SLCO1B3: variants seen among roughly 807,000 people sequenced by gnomAD.
SLCO1B3 encodes the protein solute carrier organic anion transporter family member 1B3, also known as liver-specific organic anion transporter 2.
A neutral mutation model predicts 71.8 loss-of-function variants in SLCO1B3; 72 were observed. That is an observed-to-expected ratio of 1.00 (90% CI 0.83 to 1.22). SLCO1B3 has a LOEUF of 1.22. SLCO1B3 is among the 50% of genes most tolerant of loss of function. SLCO1B3 has a pLI of 0.00. For missense variants in SLCO1B3, 911 were observed against 819.7 expected, an observed-to-expected ratio of 1.11 and a Z score of -1.36; for synonymous variants, 298 against 278.4, an observed-to-expected ratio of 1.07 and a Z score of -0.70.
At chr12:20,903,358 T>A (rs1866168226) in intron 15 of SLCO1B3, among the ~76,000 whole-genome samples, 1 of 152,226 alleles carries the variant, frequency 6.6e-6, no homozygotes, top group Non-Finnish European at 1.5e-5. Context: ...AAGTAAACTA[T>A]GTTACATTCA....
At chr12:20,816,685 C>T (rs187603307) in intron 3 of SLCO1B3, among the ~76,000 whole-genome samples, 46 of 152,280 alleles carry the variant, frequency 3.0e-4, no homozygotes, top group African/African-American at 9.1e-4. Flanking sequence ...CTTAGATATA[C>T]GAATTCGCTT....
At chr12:20,831,577 G>A (rs1044597003) in intron 3 of SLCO1B3, among the ~76,000 whole-genome samples, 4 of 152,058 alleles carry the variant, frequency 2.6e-5, no homozygotes, top group Non-Finnish European at 4.4e-5. Context: ...TTGCATTTCT[G>A]TGCCTACTTT....
intron 3 of SLCO1B3, among the ~76,000 whole-genome samples, chr12:20,849,711 TCACACACACACA>T (rs146186543): frequency 4.8e-5 from 6 of 126,236 alleles, no homozygotes; most frequent in African/African-American, 1.6e-4. Context: ...TAGTAGAAAA[TCACACACACACA>T]CACACACACA....
intron 3 of SLCO1B3, among the ~76,000 whole-genome samples, chr12:20,823,855 A>T (rs537786373): frequency 6.6e-6 from 1 of 152,182 alleles, no homozygotes; most frequent in African/African-American, 2.4e-5. Context: ...CCTGTAAAGG[A>T]TAAGATATGG....
At chr12:20,894,342 A>G (rs1311868586) in intron 13 of SLCO1B3, among the ~76,000 whole-genome samples, 1 of 152,168 alleles carries the variant, frequency 6.6e-6, no homozygotes, top group Non-Finnish European at 1.5e-5. Flanking sequence ...TGAGCAGGCA[A>G]GAAGTAGTGT....
chr12:20,908,070 T>C (rs995062969), intron 15 of SLCO1B3, among the ~76,000 whole-genome samples: 1 of 152,216 alleles, frequency 6.6e-6, no homozygotes, highest in African/African-American at 2.4e-5. Context: ...CTGTACTACT[T>C]CTTTTTCCTT....
At chr12:20,885,787 C>G (rs1865783073) in intron 13 of SLCO1B3, among the ~76,000 whole-genome samples, 1 of 151,658 alleles carries the variant, frequency 6.6e-6, no homozygotes, top group African/African-American at 2.4e-5. Context: ...CTAGCGTGAT[C>G]CAGATTATAT....
chr12:20,883,492 C>A lies in SLCO1B3; in HGVS notation c.1572C>A (p.Cys524Ter). ...NRNYSAHLGE[C>*]PRDNTCTRKF... ...ATTACTCAGCACACTTGGGTGAATGCCCAAGAGATAATACTTGTACAAGGA... is the reference window on the plus strand; with the variant it reads ...ATTACTCAGCACACTTGGGTGAATGACCAAGAGATAATACTTGTACAAGGA... Residue 524 changes from cysteine to a stop codon, truncating the protein, a stop_gained, in exon 13 of 16, where the codon TGC (cysteine) becomes TGA (stop). Transcript: ENST00000381545. LOFTEE classifies it high-confidence loss of function. The A allele has an allele frequency of 1.2e-6, 2 of 1,602,178 alleles. No individual in the cohort carries two copies. Among genetic ancestry groups the A allele is most frequent in the South Asian group, 1.1e-5 (1 of 89,560 alleles).
At chr12:20,859,495 C>CCCCG (rs1158588959) in intron 5 of SLCO1B3, among the ~76,000 whole-genome samples, 7 of 124,448 alleles carry the variant, frequency 5.6e-5, no homozygotes, top group Non-Finnish European at 1.1e-4. Context: ...TTTTTTCCCC[C>CCCCG]TCTACATTTG....
At chr12:20,915,947 G>GT in intron 15 of SLCO1B3, 57 bp from the exon 16 acceptor site, 1 of 1,370,072 alleles carries the variant, frequency 7.3e-7, no homozygotes, top group Non-Finnish European at 1.0e-6. Flanking sequence ...AGAAAAAAAT[G>GT]TAAGATATTT....
intron 15 of SLCO1B3, among the ~76,000 whole-genome samples, chr12:20,909,996 A>G (rs940187765): frequency 6.6e-6 from 1 of 152,198 alleles, no homozygotes; most frequent in South Asian, 2.1e-4. Context: ...CTCTTTGTCA[A>G]TAAGTTCTTT....
At chr12:20,884,301 A>G in intron 13 of SLCO1B3, among the ~76,000 whole-genome samples, 1 of 152,220 alleles carries the variant, frequency 6.6e-6, no homozygotes, top group East Asian at 1.9e-4. Flanking sequence ...CTTAATAAGG[A>G]AAAAGACTGC....
intron 3 of SLCO1B3, among the ~76,000 whole-genome samples, chr12:20,844,495 G>A (rs528648273): frequency 2.7e-5 from 4 of 150,382 alleles, no homozygotes; most frequent in South Asian, 2.1e-4. Flanking sequence ...TTGAACCTAG[G>A]AGGCAGTGGT....
intron 15 of SLCO1B3, among the ~76,000 whole-genome samples, chr12:20,909,673 T>C (rs1401808024): frequency 2.6e-5 from 4 of 152,156 alleles, no homozygotes; most frequent in Non-Finnish European, 5.9e-5. Flanking sequence ...CATCTTATCC[T>C]TTTGACAGTG....
At chr12:20,817,388 G>A (rs1025078134) in intron 3 of SLCO1B3, among the ~76,000 whole-genome samples, 4 of 152,046 alleles carry the variant, frequency 2.6e-5, no homozygotes, top group Non-Finnish European at 5.9e-5. Context: ...TTTGTATATG[G>A]CTAGAAATAG....
At chr12:20,814,750 G>A (rs1010218170) in intron 2 of SLCO1B3, among the ~76,000 whole-genome samples, 1 of 151,842 alleles carries the variant, frequency 6.6e-6, no homozygotes, top group East Asian at 1.9e-4. Context: ...AATTAGCCGG[G>A]CGTTGTGGCA....
chr12:20,829,997 T>C (rs1591748209), intron 3 of SLCO1B3, among the ~76,000 whole-genome samples: 1 of 152,198 alleles, frequency 6.6e-6, no homozygotes, highest in South Asian at 2.1e-4. Context: ...CTTTGTGACC[T>C]ATATTTTGTG....
intron 8 of SLCO1B3, among the ~76,000 whole-genome samples, chr12:20,865,152 C>A (rs974422089): frequency 6.6e-6 from 1 of 151,974 alleles, no homozygotes; most frequent in Non-Finnish European, 1.5e-5. Flanking sequence ...TATATATAGA[C>A]CAGTGAAAGA....
intron 3 of SLCO1B3, among the ~76,000 whole-genome samples, chr12:20,835,881 T>C (rs1273795496): frequency 1.3e-5 from 2 of 152,168 alleles, no homozygotes; most frequent in East Asian, 3.8e-4. Context: ...TCAGTACCAA[T>C]TTACTGTATT....
Sources: allele counts gnomAD v4.1 joint callset (sites outside exome capture counted in the v4.1 genomes callset), GRCh38; gene constraint gnomAD v4.1.1; transcripts MANE v1.5; gene names NCBI Gene and HGNC (gene_info 2026-07-23, HGNC 2026-07-21).